The following PRPSAP2 variants were observed in gnomAD, a reference collection of about 807,000 sequenced individuals.
PRPSAP2 encodes the protein phosphoribosyl pyrophosphate synthase-associated protein 2.
A neutral mutation model predicts 40.6 loss-of-function variants in PRPSAP2; 24 were observed. The observed-to-expected ratio is 0.59, with a 90% confidence interval of 0.43 to 0.83. The LOEUF (loss-of-function observed/expected upper bound fraction) is 0.83, where lower values mean the gene tolerates loss of function less well. PRPSAP2 is among the 40% of genes least tolerant of loss of function. The pLI, the probability that PRPSAP2 is intolerant of heterozygous loss-of-function variation, is 0.00. For missense variants in PRPSAP2, 292 were observed against 465.6 expected (o/e 0.63, Z 3.43); for synonymous variants, 149 against 164.7 (o/e 0.90, Z 0.73).
intron 8 of PRPSAP2, among the ~76,000 whole-genome samples, chr17:18,896,842 T>C (rs1013747840): frequency 2.0e-5 from 3 of 152,178 alleles, no homozygotes; most frequent in Non-Finnish European, 4.4e-5. Context: ...CAGTGGTTGC[T>C]AGTCTTCTGT....
chr17:18,903,787 A>G (rs2040422684), intron 8 of PRPSAP2, among the ~76,000 whole-genome samples: 1 of 152,180 alleles, frequency 6.6e-6, no homozygotes, highest in Non-Finnish European at 1.5e-5. Context: ...TCGACATGGC[A>G]TCAACACAGT....
intron 7 of PRPSAP2, among the ~76,000 whole-genome samples, chr17:18,889,486 G>A (rs1346608499): frequency 1.3e-5 from 2 of 152,134 alleles, no homozygotes; most frequent in East Asian, 3.8e-4. Flanking sequence ...TATTCAGATT[G>A]AATTGGATAT....
At chr17:18,862,880 G>A (rs962936324) in intron 1 of PRPSAP2, among the ~76,000 whole-genome samples, 8 of 151,230 alleles carry the variant, frequency 5.3e-5, no homozygotes, top group Non-Finnish European at 1.2e-4. Flanking sequence ...GAGTGCAGTG[G>A]CATGATCTCA....
At chr17:18,895,638 T>A (rs2039868433) in intron 8 of PRPSAP2, among the ~76,000 whole-genome samples, 1 of 152,084 alleles carries the variant, frequency 6.6e-6, no homozygotes, top group Non-Finnish European at 1.5e-5. Context: ...TTTTTATTTT[T>A]ATTTTATGAC....
At chr17:18,905,121 T>G (rs764517218) in intron 8 of PRPSAP2, 14 of 152,150 alleles carry the variant, frequency 9.2e-5, no homozygotes, top group African/African-American at 3.4e-4. Flanking sequence ...CCTCCCGGAT[T>G]TTAGCAATTC....
intron 6 of PRPSAP2, among the ~76,000 whole-genome samples, chr17:18,880,501 G>T (rs535164556): frequency 1.1e-3 from 163 of 151,920 alleles, no homozygotes; most frequent in Non-Finnish European, 2.0e-3. Context: ...TGACCTCCTG[G>T]GTTCAAGTGA....
chr17:18,908,956 GT>G (rs1338786670), intron 8 of PRPSAP2: 30 of 332,194 alleles, frequency 9.0e-5, no homozygotes, highest in African/African-American at 6.6e-4. Context: ...ATTCTGTTTT[GT>G]TTTTACAAGG....
In PRPSAP2 at chr17:18,865,947, T is replaced by C; in HGVS notation, c.114T>C (p.Ile38=). ...NSSCMELSKK[I]AERLGVEMGK... is the part of the protein sequence containing the mutation. ...CATGTATGGAGCTATCAAAGAAAAT[T>C]GCAGAGTGAGTTATAATTGTACCAT... The change falls in exon 3 of 12, where the codon ATT becomes ATC. Residue 38 remains isoleucine (I), a synonymous_variant. Transcript: ENST00000268835. 7.0e-7 allele frequency: 1 copy of C among 1,436,164 alleles called. No homozygotes were observed. Among genetic ancestry groups the C allele is most frequent in the Non-Finnish European group, 9.3e-7 (1 of 1,077,348 alleles). The allele number at this position is 1,436,164 out of a possible 1,614,324, so 89.0% of individuals were successfully genotyped here.
At chr17:18,901,345 TC>T (rs890105076) in intron 8 of PRPSAP2, among the ~76,000 whole-genome samples, 20 of 151,714 alleles carry the variant, frequency 1.3e-4, no homozygotes, top group Admixed American at 3.9e-4. Context: ...GGTCCTGAGG[TC>T]CCTTGCTAGT....
chr17:18,881,188 A>T (rs1399111529), intron 6 of PRPSAP2, among the ~76,000 whole-genome samples: 47 of 129,660 alleles, frequency 3.6e-4, no homozygotes, highest in Middle Eastern at 4.3e-3. Context: ...AAAAAAAAAA[A>T]TTTTTTTTGA....
chr17:18,863,680 C>T (rs538591478), intron 1 of PRPSAP2, among the ~76,000 whole-genome samples: 4 of 151,814 alleles, frequency 2.6e-5, no homozygotes, highest in Admixed American at 1.3e-4. Context: ...CTACAGGCAC[C>T]TGCCACCACG....
At chr17:18,915,050 T>C (rs1239412845) in intron 9 of PRPSAP2, among the ~76,000 whole-genome samples, 2 of 134,836 alleles carry the variant, frequency 1.5e-5, no homozygotes, top group South Asian at 2.4e-4. Context: ...TTTGAGACAG[T>C]GTTTTACTCT....
chr17:18,874,401 G>A (rs909642997), intron 5 of PRPSAP2, among the ~76,000 whole-genome samples: 8 of 152,140 alleles, frequency 5.3e-5, no homozygotes, highest in East Asian at 3.8e-4. Flanking sequence ...TAAAACCAAC[G>A]AAAGGGAAAA....
At position 18,930,530 on chromosome 17, in the gene PRPSAP2, T is replaced by G; in HGVS notation, c.952-10T>G. On this transcript the variant is annotated splice_polypyrimidine_tract_variant and intron_variant, in intron 11 of 11. Transcript: ENST00000268835. ...TCTGATGCTGTGGTTTTTTTTCTTT[T>G]GCTTCACAGGTGGTGGTCACCAATA... 3 of 1,606,066 alleles carry G rather than the reference T, an allele frequency of 1.9e-6. No individual in the cohort carries two copies. The highest frequency in any genetic ancestry group is 2.5e-6 in the Non-Finnish European group (3 of 1,176,754).
At chr17:18,910,930 G>T (rs1475066589) in intron 8 of PRPSAP2, among the ~76,000 whole-genome samples, 173 bp from the exon 9 acceptor site, 1 of 152,184 alleles carries the variant, frequency 6.6e-6, no homozygotes, top group Non-Finnish European at 1.5e-5. Flanking sequence ...GGCATGTGGG[G>T]TCTCTACAGT....
intron 5 of PRPSAP2, among the ~76,000 whole-genome samples, chr17:18,873,461 C>T (rs2038050847): frequency 6.6e-6 from 1 of 152,160 alleles, no homozygotes. Flanking sequence ...CTGCCTCAGC[C>T]TCCCAAAGTG....
intron 3 of PRPSAP2, among the ~76,000 whole-genome samples, chr17:18,866,992 A>T (rs2151884520): frequency 6.6e-6 from 1 of 152,062 alleles, no homozygotes; most frequent in African/African-American, 2.4e-5. Flanking sequence ...AGCATGCAGG[A>T]GGAGTTCTTG....
In PRPSAP2 at chr17:18,911,356, A is replaced by G; in HGVS notation, c.733+105A>G. On this transcript the variant is annotated intron_variant, in intron 9 of 11. Coordinates refer to ENST00000268835, the MANE Select transcript of PRPSAP2 (RefSeq NM_002767.4). This position sits in a 1 kb window ranked among gnomAD's most constrained non-coding sequence, Gnocchi z 4.5. Reference sequence around the variant, plus strand: ...CATTCTTCGTTTTTTTTTAGTTGGCAAAAACTCATTAACACCTTTCTTGGC... The same window carrying G: ...CATTCTTCGTTTTTTTTTAGTTGGCGAAAACTCATTAACACCTTTCTTGGC... 1 of 1,325,242 alleles carries G rather than the reference A, an allele frequency of 7.5e-7. No individual in the cohort carries two copies. Among genetic ancestry groups the G allele is most frequent in the Non-Finnish European group, 1.0e-6 (1 of 989,588 alleles). 82.1% of individuals were successfully genotyped at this position (1,325,242 alleles called of 1,614,324 possible). A position where few individuals can be genotyped will look rare whatever the true frequency, so the allele number is the denominator to read the frequency against.
At position 18,928,887 on chromosome 17, in the gene PRPSAP2, T is replaced by C. The variant is rs765955896; in HGVS notation, c.881T>C (p.Phe294Ser). 1 of 1,614,114 alleles carries C rather than the reference T, an allele frequency of 6.2e-7. No individual in the cohort carries two copies. Among genetic ancestry groups the C allele is most frequent in the South Asian group, 1.1e-5 (1 of 91,084 alleles). The change falls in exon 11 of 12, where the codon TTT (phenylalanine) becomes TCT (serine). Residue 294 changes from phenylalanine to serine, a missense_variant. Phe to Ser is a radical substitution (Grantham distance 155). Around this residue, in one of 2 missense-constraint regions of PRPSAP2, gnomAD observed 241 missense variants for 425.7 expected, o/e 0.57. Coordinates refer to ENST00000268835, the MANE Select transcript of PRPSAP2 (RefSeq NM_002767.4). Reference sequence around the variant, plus strand: ...AAGGAAAGAGGTGCATATAAGATCTTTGTGATGGCAACTCATGGCTTGTTG... The same window carrying C: ...AAGGAAAGAGGTGCATATAAGATCTCTGTGATGGCAACTCATGGCTTGTTG... Reference protein sequence around the residue: ...TLKERGAYKIFVMATHGLLSS... With the variant: ...TLKERGAYKISVMATHGLLSS...
Sources: gnomAD v4.1 joint callset for allele counts (sites outside exome capture counted in the v4.1 genomes callset) on GRCh38, gnomAD v4.1.1 for gene constraint, gnomAD v4.1.1 regional missense constraint, Gnocchi (gnomAD v3.1) non-coding constraint, MANE v1.5 for transcripts, NCBI Gene and HGNC (gene_info 2026-07-23, HGNC 2026-07-21) for gene names.